The following DNAH14 variants were observed in gnomAD, a reference collection of about 807,000 sequenced individuals.
The protein encoded by DNAH14 is axonemal beta dynein heavy chain 14.
DNAH14 carries 478 observed loss-of-function variants against 520.9 expected under a neutral mutation model. The observed-to-expected ratio is 0.92, with a 90% CI of 0.85 to 0.99. The LOEUF (loss-of-function observed/expected upper bound fraction) is 0.99. Among genes scored for constraint, DNAH14 ranks in the 50% least tolerant of loss-of-function variants. DNAH14 has a pLI of 0.00. For missense variants in DNAH14, 4,831 were observed against 5,234.5 expected, an observed-to-expected ratio of 0.92 and a Z score of 2.38; for synonymous variants, 1,581 against 1,757.2, an observed-to-expected ratio of 0.90 and a Z score of 2.51.
At chr1:225,075,064 A>G (rs561124397) in intron 17 of DNAH14, among the ~76,000 whole-genome samples, 2 of 152,338 alleles carry the variant, frequency 1.3e-5, no homozygotes, top group Middle Eastern at 3.4e-3. Flanking sequence ...GTTTCTGTGC[A>G]TACCTGAGTG....
At chr1:225,200,580 T>C (rs1052800727) in intron 38 of DNAH14, among the ~76,000 whole-genome samples, 8 of 152,138 alleles carry the variant, frequency 5.3e-5, no homozygotes, top group African/African-American at 1.9e-4. Context: ...TATCTGCATT[T>C]GTTTGTTTGA....
At chr1:225,280,729 A>G (rs1406027089) in intron 54 of DNAH14, among the ~76,000 whole-genome samples, 1 of 152,192 alleles carries the variant, frequency 6.6e-6, no homozygotes, top group East Asian at 1.9e-4. Flanking sequence ...CAAAGAGAAA[A>G]TCATGAAGGC....
Position 225,207,185 on chromosome 1 carries a change from T to TTG in DNAH14, c.6405_6406dup (p.Asp2136ValfsTer16), listed in dbSNP as rs1264157781. On this transcript the variant is annotated frameshift_variant, in exon 41 of 86. Transcript: ENST00000682510. LOFTEE classifies it high-confidence loss of function. ...CTCTGCAGAATTCTTGATGCTTTCTTTGACTTCATGGGTAAAAATGGAGGA... is the reference window on the plus strand; with the variant it reads ...CTCTGCAGAATTCTTGATGCTTTCTTTGTGACTTCATGGGTAAAAATGGAGGA... 2.6e-6 allele frequency: 4 copies of TTG among 1,535,402 alleles called. No homozygotes were observed. The African/African-American group carries it at 4.1e-5, about 16-fold the overall frequency.
chr1:225,387,095 G>C (rs1219656529), intron 81 of DNAH14, among the ~76,000 whole-genome samples: 1 of 152,100 alleles, frequency 6.6e-6, no homozygotes, highest in Non-Finnish European at 1.5e-5. Context: ...TAGGGACATG[G>C]ATGAAGCTGG....
At chr1:225,329,999 A>C (rs1574813568) in intron 64 of DNAH14, among the ~76,000 whole-genome samples, 1 of 152,316 alleles carries the variant, frequency 6.6e-6, no homozygotes, top group East Asian at 1.9e-4. Context: ...AAAGGCTTGA[A>C]TGGATACTTA....
rs112521039 is a variant in DNAH14 at position 225,371,973 on chromosome 1, T to G, written c.12319-2715T>G. Among the ~76,000 whole-genome samples, 3 of 152,184 alleles carry G rather than the reference T, an allele frequency of 2.0e-5. No individual in the cohort carries two copies. In the South Asian group the frequency reaches 6.2e-4, roughly 31 times the overall value. On this transcript the variant is annotated intron_variant, in intron 77 of 85. Transcript: ENST00000682510. Reference sequence around the variant, plus strand: ...TTATTTAATTCCCACAACAACATTATGAGGTAAGGACACTAATTATCCTCA... The same window carrying G: ...TTATTTAATTCCCACAACAACATTAGGAGGTAAGGACACTAATTATCCTCA...
At position 224,968,856 on chromosome 1, in the gene DNAH14, A is replaced by G. The variant is rs995441482; in HGVS notation, c.749A>G (p.Lys250Arg). 1.6e-5 allele frequency: 24 copies of G among 1,541,422 alleles called. No homozygotes were observed. The highest frequency in any genetic ancestry group is 5.2e-6 in the Non-Finnish European group (6 of 1,143,670). Residue 250 changes from lysine (K) to arginine (R), a missense_variant, in exon 7 of 86, where the codon AAG (lysine) becomes AGG (arginine). Transcript: ENST00000682510. ...RRHYYLLRQF[K>R]IFSDFRMNKA... ...CATTACTATTTATTACGGCAATTCA[A>G]GATATTTTCTGATTTCCGGTGAGGT...
In DNAH14 at chr1:225,346,584, A is replaced by G. The variant is rs1301581877; in HGVS notation, c.11226A>G (p.Glu3742=). ...QDDIGFLPEE[E]WNIFLYSGIL... Reference sequence around the variant, plus strand: ...ACATTGGATTCCTACCAGAAGAAGAATGGAACATCTTTTTATATTCTGGCA... The same window carrying G: ...ACATTGGATTCCTACCAGAAGAAGAGTGGAACATCTTTTTATATTCTGGCA... Residue 3742 remains glutamate, a synonymous_variant, in exon 71 of 86, where the codon GAA becomes GAG. Coordinates refer to ENST00000682510, the MANE Select transcript of DNAH14 (RefSeq NM_001367479.1). 2 of 1,550,894 alleles carry G rather than the reference A, an allele frequency of 1.3e-6. No homozygotes were observed.
chr1:224,972,439 G>C (rs926958381), intron 7 of DNAH14, among the ~76,000 whole-genome samples: 14 of 149,998 alleles, frequency 9.3e-5, no homozygotes, highest in African/African-American at 3.2e-4. Context: ...AAGTAGCTGG[G>C]ACTACAGATG....
intron 27 of DNAH14, among the ~76,000 whole-genome samples, chr1:225,138,741 G>A (rs1452334783): frequency 6.6e-6 from 1 of 152,144 alleles, no homozygotes; most frequent in Non-Finnish European, 1.5e-5. Context: ...CTGGCTGGGG[G>A]TGGGGGTTCC....
chr1:225,247,143 G>T (rs1161840836), intron 43 of DNAH14, among the ~76,000 whole-genome samples: 1 of 152,058 alleles, frequency 6.6e-6, no homozygotes, highest in Non-Finnish European at 1.5e-5. Context: ...ACCAAATACT[G>T]CATGTTCTCA....
At chr1:225,148,410 T>C (rs1346564554) in intron 31 of DNAH14, among the ~76,000 whole-genome samples, 1 of 144,006 alleles carries the variant, frequency 6.9e-6, no homozygotes, top group Non-Finnish European at 1.5e-5. Context: ...TTTTTTTTTT[T>C]TTTTTTTTTG....
intron 35 of DNAH14, among the ~76,000 whole-genome samples, chr1:225,165,755 T>G (rs1022738140): frequency 6.6e-6 from 1 of 151,972 alleles, no homozygotes; most frequent in African/African-American, 2.4e-5. Flanking sequence ...AGCTAATTTT[T>G]TTTATTTTTT....
chr1:225,050,610 C>G (rs536429386), intron 16 of DNAH14, among the ~76,000 whole-genome samples: 2 of 152,174 alleles, frequency 1.3e-5, no homozygotes, highest in Non-Finnish European at 2.9e-5. Context: ...TACCTCATAA[C>G]GTAGGCTCGT....
intron 19 of DNAH14, among the ~76,000 whole-genome samples, chr1:225,082,099 C>T (rs778697576): frequency 5.9e-5 from 9 of 151,418 alleles, no homozygotes; most frequent in Non-Finnish European, 1.2e-4. Flanking sequence ...AGCAAGACCT[C>T]ATCTTGCTAT....
chr1:225,131,995 A>C (rs561752114), intron 27 of DNAH14, among the ~76,000 whole-genome samples: 147 of 152,302 alleles, frequency 9.7e-4, no homozygotes, highest in Middle Eastern at 3.4e-3. Context: ...AAGAAGCTAA[A>C]GAGGAAGAAA....
At chr1:225,021,832 C>A (rs2065724157) in intron 10 of DNAH14, among the ~76,000 whole-genome samples, 2 of 151,860 alleles carry the variant, frequency 1.3e-5, no homozygotes, top group South Asian at 4.1e-4. Context: ...CAAAGCAATC[C>A]AAAGCAAAAA....
At chr1:225,104,398 A>G (rs2075823786) in intron 23 of DNAH14, among the ~76,000 whole-genome samples, 1 of 152,218 alleles carries the variant, frequency 6.6e-6, no homozygotes, top group African/African-American at 2.4e-5. Flanking sequence ...TACTGGCTTC[A>G]TAAAATGAGT....
At position 225,085,669 on chromosome 1, in the gene DNAH14, C is replaced by T. The variant is rs2073676045; in HGVS notation, c.3453C>T (p.His1151=). ...CTACTCCTTTGCCTTTAATTCTTCACCACACAGAGATTTACTCTATCTTCA... is the reference window on the plus strand; with the variant it reads ...CTACTCCTTTGCCTTTAATTCTTCATCACACAGAGATTTACTCTATCTTCA... ...WNTTPLPLIL[H]HTEIYSIFII... Residue 1151 remains histidine (H), a synonymous_variant, in exon 21 of 86, where the codon CAC becomes CAT. Transcript: ENST00000682510. The T allele has an allele frequency of 6.4e-7, 1 of 1,551,142 alleles. No individual in the cohort carries two copies. Among genetic ancestry groups the T allele is most frequent in the African/African-American group, 1.4e-5 (1 of 73,004 alleles).
Sources: allele counts gnomAD v4.1 joint callset (sites outside exome capture counted in the v4.1 genomes callset), GRCh38; gene constraint gnomAD v4.1.1; transcripts MANE v1.5; gene names NCBI Gene and HGNC (gene_info 2026-07-23, HGNC 2026-07-21).